ADCY5: variants seen among roughly 807,000 people sequenced by gnomAD.
ADCY5 encodes adenylate cyclase type 5.
ADCY5 carries 30 observed loss-of-function variants against 119.7 expected under a neutral mutation model. The observed-to-expected ratio is 0.25, with a 90% CI of 0.19 to 0.34. The LOEUF (loss-of-function observed/expected upper bound fraction) is 0.34, where lower values mean the gene tolerates loss of function less well. ADCY5 is among the 10% of genes least tolerant of loss of function. ADCY5 has a pLI of 1.00. For synonymous variants in ADCY5, 753 were observed against 762.2 expected, an observed-to-expected ratio of 0.99 and a Z score of 0.20; for missense variants, 1,324 against 1,775.2, an observed-to-expected ratio of 0.75 and a Z score of 4.57.
chr3:123,347,486 G>A (rs1293079193), intron 3 of ADCY5, among the ~76,000 whole-genome samples: 1 of 152,082 alleles, frequency 6.6e-6, no homozygotes, highest in East Asian at 1.9e-4. Flanking sequence ...TAGGCTAGGA[G>A]CTCCTCCCCA....
At chr3:123,307,768 T>C (rs1054000439) in intron 12 of ADCY5, among the ~76,000 whole-genome samples, 1 of 152,162 alleles carries the variant, frequency 6.6e-6, no homozygotes, top group East Asian at 1.9e-4. Flanking sequence ...TAATGACTGA[T>C]AGAGGCAAAG....
intron 18 of ADCY5, among the ~76,000 whole-genome samples, chr3:123,290,752 T>C (rs953989463): frequency 6.6e-6 from 1 of 151,698 alleles, no homozygotes; most frequent in African/African-American, 2.4e-5. Flanking sequence ...CCATGCACCC[T>C]AGATGGCACA....
intron 1 of ADCY5, among the ~76,000 whole-genome samples, chr3:123,371,928 G>C (rs1943656071): frequency 6.6e-6 from 1 of 152,204 alleles, no homozygotes; most frequent in Admixed American, 6.5e-5. Context: ...TTTGAAGAAG[G>C]TGGGCAGGCG....
intron 4 of ADCY5, 86 bp from the exon 5 acceptor site, chr3:123,331,102 C>T (rs1247743932): frequency 2.8e-6 from 4 of 1,446,496 alleles, no homozygotes; most frequent in Non-Finnish European, 3.8e-6. Flanking sequence ...AGATTCACCC[C>T]GTGCCTGGAA....
intron 1 of ADCY5, among the ~76,000 whole-genome samples, chr3:123,446,572 C>T (rs1342679797): frequency 6.6e-6 from 1 of 152,210 alleles, no homozygotes; most frequent in Non-Finnish European, 1.5e-5. Flanking sequence ...AGCCAACATG[C>T]CCCTCTCACA....
chr3:123,414,854 G>A (rs530720227), intron 1 of ADCY5, among the ~76,000 whole-genome samples: 56 of 152,290 alleles, frequency 3.7e-4, no homozygotes, highest in East Asian at 2.7e-3. Flanking sequence ...CACCCTGCCC[G>A]GCCCTGATGG....
In ADCY5 at chr3:123,318,080, A is replaced by C; in HGVS notation, c.2294T>G (p.Val765Gly). The C allele has an allele frequency of 6.2e-7, 1 of 1,613,940 alleles. No individual in the cohort carries two copies. Among genetic ancestry groups the C allele is most frequent in the Admixed American group, 1.7e-5 (1 of 60,026 alleles). The change falls in exon 11 of 21, where the codon GTG becomes GGG. Residue 765 changes from valine to glycine, a missense_variant. Physicochemically the swap from Val to Gly is moderately radical, Grantham distance 109 (BLOSUM62 -3). Around this residue, in one of 6 missense-constraint regions of ADCY5, gnomAD observed 424 missense variants for 546.8 expected, o/e 0.78. Coordinates refer to ENST00000462833, the MANE Select transcript of ADCY5 (RefSeq NM_183357.3). Reference sequence around the variant, plus strand: ...GAGGAAGACGAGCGAGGCACACGCCACATAGGCACCAAATCGGTCGTCTAC... The same window carrying C: ...GAGGAAGACGAGCGAGGCACACGCCCCATAGGCACCAAATCGGTCGTCTAC... ...KQVDDRFGAY[V>G]ACASLVFLFI...
intron 1 of ADCY5, among the ~76,000 whole-genome samples, chr3:123,377,929 C>CAAAAA (rs10662985): frequency 1.2e-5 from 1 of 84,534 alleles, no homozygotes; most frequent in East Asian, 3.6e-4. Flanking sequence ...GACTCCATCT[C>CAAAAA]AAAAAAAAAA....
At chr3:123,442,515 A>G in intron 1 of ADCY5, among the ~76,000 whole-genome samples, 1 of 152,236 alleles carries the variant, frequency 6.6e-6, no homozygotes, top group East Asian at 1.9e-4. Context: ...ACTGATTTTG[A>G]AACTCTCTGT....
chr3:123,319,894 C>G, intron 9 of ADCY5, 76 bp from the exon 10 acceptor site: 1 of 1,560,162 alleles, frequency 6.4e-7, no homozygotes, highest in Non-Finnish European at 8.7e-7. Flanking sequence ...TTCCGACCAT[C>G]CCCCCAGACT....
At chr3:123,285,942 T>C (rs944434739) in intron 20 of ADCY5, among the ~76,000 whole-genome samples, 3 of 152,194 alleles carry the variant, frequency 2.0e-5, no homozygotes, top group African/African-American at 7.2e-5. Context: ...TCAGGACATT[T>C]AAGCAGTATC....
rs868724293 is a variant in ADCY5, at chr3:123,448,219, G to T, written c.327C>A (p.Asp109Glu). 20 of 1,320,940 alleles carry T rather than the reference G, an allele frequency of 1.5e-5. No individual in the cohort carries two copies. The South Asian group carries it at 3.8e-4, about 25-fold the overall frequency. 81.8% of individuals were successfully genotyped at this position (1,320,940 alleles called of 1,614,324 possible). Reference protein sequence around the residue: ...SKSAWQERGGDDCGRGSRRQR... With the variant: ...SKSAWQERGGEDCGRGSRRQR... ...GCCGGCGGCTGCCGCGACCGCAGTC[G>T]TCGCCGCCGCGCTCCTGCCAGGCGG... The change falls in exon 1 of 21, where the codon GAC becomes GAA. Residue 109 changes from aspartate (D) to glutamate (E), a missense_variant. Around this residue, in one of 6 missense-constraint regions of ADCY5, gnomAD observed 585 missense variants for 569.9 expected, o/e 1.03. Transcript: ENST00000462833.
intron 1 of ADCY5, among the ~76,000 whole-genome samples, chr3:123,440,778 C>T (rs187647185): frequency 6.6e-6 from 1 of 152,170 alleles, no homozygotes; most frequent in African/African-American, 2.4e-5. Flanking sequence ...ACTAACCTCC[C>T]CCTCAAAAGG....
intron 1 of ADCY5, among the ~76,000 whole-genome samples, chr3:123,385,786 A>C (rs1194778637): frequency 2.6e-5 from 4 of 152,250 alleles, no homozygotes; most frequent in Non-Finnish European, 5.9e-5. Flanking sequence ...GTTAAAGTAG[A>C]TACTAGCTAT....
intron 1 of ADCY5, among the ~76,000 whole-genome samples, chr3:123,362,670 T>C (rs1943291324): frequency 6.6e-6 from 1 of 151,988 alleles, no homozygotes; most frequent in African/African-American, 2.4e-5. Flanking sequence ...CCAGATCTGG[T>C]GGGGAAGTCA....
intron 1 of ADCY5, among the ~76,000 whole-genome samples, chr3:123,372,428 A>G (rs1239758665): frequency 6.6e-6 from 1 of 152,180 alleles, no homozygotes; most frequent in Non-Finnish European, 1.5e-5. Flanking sequence ...TCCTGAGGGC[A>G]CCCAGGCAAG....
In ADCY5 at chr3:123,304,242, G is replaced by A. The variant is rs1367527323; in HGVS notation, c.2443-59C>T. On this transcript the variant is annotated intron_variant, in intron 12 of 20. Transcript: ENST00000462833. ...GGAGAGACGGAATAGCATTCAGCAA[G>A]GACTCCACAAATGGTCCCGGGAGTG... 6 of 1,151,546 alleles carry A rather than the reference G, an allele frequency of 5.2e-6. No homozygotes were observed. In the African/African-American group the frequency reaches 6.1e-5, roughly 12 times the overall value. 71.3% of individuals were successfully genotyped at this position (1,151,546 alleles called of 1,614,324 possible).
chr3:123,447,387 T>C (rs1464567785), intron 1 of ADCY5, 25 bp downstream of exon 1: 2 of 1,513,376 alleles, frequency 1.3e-6, no homozygotes, highest in Non-Finnish European at 1.8e-6. Context: ...CGCAATCCAG[T>C]CCCGGTGGCC....
chr3:123,320,793 A>C (rs1941179502), intron 8 of ADCY5, 22 bp from the exon 9 acceptor site: 1 of 1,558,474 alleles, frequency 6.4e-7, no homozygotes, highest in Non-Finnish European at 8.8e-7. Flanking sequence ...GGATAGAAAG[A>C]GAAAGAGAAG....
Sources: gnomAD v4.1 joint callset for allele counts (sites outside exome capture counted in the v4.1 genomes callset) on GRCh38, gnomAD v4.1.1 for gene constraint, gnomAD v4.1.1 regional missense constraint, MANE v1.5 for transcripts, NCBI Gene and HGNC (gene_info 2026-07-23, HGNC 2026-07-21) for gene names.